CCDC15: variants seen among roughly 807,000 people sequenced by gnomAD.
CCDC15 encodes coiled-coil domain-containing protein 15.
Under a neutral mutation model 114.5 loss-of-function variants are expected in CCDC15, and 105 were observed. That is an observed-to-expected ratio of 0.92 (90% CI 0.78 to 1.08). The LOEUF (loss-of-function observed/expected upper bound fraction) is 1.08. Among genes scored for constraint, CCDC15 ranks in the 50% least tolerant of loss-of-function variants. The pLI is 0.00. For missense variants in CCDC15, 1,105 were observed against 1,093.6 expected (o/e 1.01, Z -0.15); for synonymous variants, 334 against 377.8 (o/e 0.88, Z 1.34).
chr11:124,963,996 T>C (rs1197045380), intron 4 of CCDC15, among the ~76,000 whole-genome samples: 8 of 152,234 alleles, frequency 5.3e-5, no homozygotes, highest in Admixed American at 5.2e-4. Context: ...GTTCCATTTG[T>C]CTATATATCT....
Position 124,987,288 on chromosome 11 carries a change from G to C in CCDC15, c.1062G>C (p.Gln354His). ...CCCAGGGTGATTTGACAGGAATCCA[G>C]AGTGTTAAGCCAGATACCCAGGCTG... ...LETQGDLTGI[Q>H]SVKPDTQAVE... Residue 354 changes from glutamine (Q) to histidine (H), a missense_variant, in exon 8 of 16, where the codon CAG becomes CAC. Physicochemically the swap from Gln to His is conservative, Grantham distance 24 (BLOSUM62 0). Coordinates refer to ENST00000344762, the MANE Select transcript of CCDC15 (RefSeq NM_025004.3). 3.7e-6 allele frequency: 6 copies of C among 1,601,792 alleles called. No individual in the cohort carries two copies. Among genetic ancestry groups the C allele is most frequent in the Non-Finnish European group, 3.4e-6 (4 of 1,175,374 alleles).
intron 4 of CCDC15, among the ~76,000 whole-genome samples, chr11:124,969,056 C>T (rs1322563360): frequency 2.0e-5 from 3 of 152,104 alleles, no homozygotes; most frequent in Non-Finnish European, 2.9e-5. Context: ...TTATAGTTAT[C>T]ATTTTTCTTT....
intron 11 of CCDC15, among the ~76,000 whole-genome samples, chr11:124,999,295 A>T (rs751142427): frequency 1.5e-4 from 23 of 152,088 alleles, no homozygotes; most frequent in Non-Finnish European, 2.6e-4. Flanking sequence ...TCAATCTGTA[A>T]ATCTATATCT....
At chr11:124,996,628 C>T (rs1460259756) in intron 11 of CCDC15, among the ~76,000 whole-genome samples, 1 of 151,972 alleles carries the variant, frequency 6.6e-6, no homozygotes, top group African/African-American at 2.4e-5. Flanking sequence ...GTTGTGCAAC[C>T]ATCACCACCA....
At chr11:125,023,020 G>C (rs1345876488) in intron 13 of CCDC15, among the ~76,000 whole-genome samples, 3 of 151,826 alleles carry the variant, frequency 2.0e-5, no homozygotes, top group Admixed American at 2.0e-4. Context: ...GATAAGTTTT[G>C]ATGAATTTCT....
chr11:125,003,218 G>A (rs1053651957), intron 11 of CCDC15, among the ~76,000 whole-genome samples: 6 of 151,816 alleles, frequency 4.0e-5, no homozygotes, highest in Non-Finnish European at 8.8e-5. Context: ...AAATACAATT[G>A]ATTTTTGTAT....
Position 125,040,598 on chromosome 11 carries a change from C to G in CCDC15, c.2743C>G (p.Arg915Gly), listed in dbSNP as rs373190979. Reference protein sequence around the residue: ...IFYKNHRAYTRALHSFINSCD... With the variant: ...IFYKNHRAYTGALHSFINSCD... Reference sequence around the variant, plus strand: ...CAAACCTTTTTTTGCAGCATATACTCGGGCACTACATTCATTCATCAATTC... The same window carrying G: ...CAAACCTTTTTTTGCAGCATATACTGGGGCACTACATTCATTCATCAATTC... Residue 915 changes from arginine to glycine, a missense_variant, in exon 16 of 16, where the codon CGG becomes GGG. Arg to Gly is a moderately radical substitution (Grantham distance 125). Transcript: ENST00000344762. 2 of 1,607,716 alleles carry G rather than the reference C, an allele frequency of 1.2e-6. No individual in the cohort carries two copies. Among genetic ancestry groups the G allele is most frequent in the African/African-American group, 1.3e-5 (1 of 74,820 alleles).
chr11:124,973,341 A>T (rs1452021605), intron 4 of CCDC15, among the ~76,000 whole-genome samples: 2 of 151,552 alleles, frequency 1.3e-5, no homozygotes, highest in Admixed American at 6.6e-5. Context: ...AAGGAGGCAT[A>T]GTCATGGGGC....
At position 125,038,573 on chromosome 11, in the gene CCDC15, G is replaced by A. The variant is rs889531344; in HGVS notation, c.2554G>A (p.Glu852Lys). The change falls in exon 14 of 16, where the codon GAA (glutamate) becomes AAA (lysine). Residue 852 changes from glutamate (E) to lysine (K), a missense_variant. Physicochemically the swap from Glu to Lys is moderately conservative, Grantham distance 56. Coordinates refer to ENST00000344762, the MANE Select transcript of CCDC15 (RefSeq NM_025004.3). The stretch of plus-strand genomic sequence containing the variant: ...ACTTCAAGAAATAAAAGGAACCAGA[G>A]AAAAACAACAGAGAGAAAAAGAATA... Reference protein sequence around the residue: ...LQLQEIKGTREKQQREKEYLR... With the variant: ...LQLQEIKGTRKKQQREKEYLR... 2.5e-6 allele frequency: 4 copies of A among 1,574,582 alleles called. No individual in the cohort carries two copies. Among genetic ancestry groups the A allele is most frequent in the Non-Finnish European group, 3.4e-6 (4 of 1,163,278 alleles).
chr11:125,039,147 C>G, intron 15 of CCDC15, 78 bp downstream of exon 15: 1 of 1,357,422 alleles, frequency 7.4e-7, no homozygotes, highest in Non-Finnish European at 1.0e-6. Flanking sequence ...AGTAATTTAC[C>G]ATTTATTGAG....
chr11:125,019,922 G>A (rs1349210626), intron 13 of CCDC15, among the ~76,000 whole-genome samples: 2 of 70,526 alleles, frequency 2.8e-5, no homozygotes, highest in East Asian at 8.4e-4. Context: ...TAATCAAATC[G>A]GTATTTGTCA....
At chr11:125,002,071 T>C (rs1225425290) in intron 11 of CCDC15, among the ~76,000 whole-genome samples, 1 of 152,144 alleles carries the variant, frequency 6.6e-6, no homozygotes, top group Non-Finnish European at 1.5e-5. Context: ...CACTTGTTAT[T>C]ATCTGTATTT....
At chr11:125,013,289 G>C (rs1948607751) in intron 13 of CCDC15, among the ~76,000 whole-genome samples, 1 of 152,128 alleles carries the variant, frequency 6.6e-6, no homozygotes, top group African/African-American at 2.4e-5. Context: ...TGAAGCATAA[G>C]GTGTGTCTGA....
At chr11:125,001,977 A>C (rs1028255045) in intron 11 of CCDC15, among the ~76,000 whole-genome samples, 7 of 152,106 alleles carry the variant, frequency 4.6e-5, no homozygotes, top group African/African-American at 1.7e-4. Context: ...GGACCTGCCA[A>C]ACTGATTTTT....
At chr11:125,012,094 G>A (rs956035905) in intron 13 of CCDC15, among the ~76,000 whole-genome samples, 4 of 152,318 alleles carry the variant, frequency 2.6e-5, no homozygotes, top group Non-Finnish European at 2.9e-5. Context: ...CCTGCTCTGA[G>A]GAAGACAAAG....
intron 9 of CCDC15, among the ~76,000 whole-genome samples, chr11:124,992,068 A>T (rs1415404898): frequency 2.6e-5 from 4 of 152,222 alleles, no homozygotes; most frequent in Admixed American, 2.0e-4. Flanking sequence ...CTTCAGGAGC[A>T]TAGAGTGTTA....
At chr11:125,013,847 G>A (rs1344823542) in intron 13 of CCDC15, among the ~76,000 whole-genome samples, 3 of 152,156 alleles carry the variant, frequency 2.0e-5, no homozygotes, top group African/African-American at 4.8e-5. Context: ...TTCAAAATAT[G>A]TTTCAGCATG....
chr11:125,014,811 C>T (rs1948617553), intron 13 of CCDC15, among the ~76,000 whole-genome samples: 1 of 152,074 alleles, frequency 6.6e-6, no homozygotes, highest in African/African-American at 2.4e-5. Flanking sequence ...TACTATATGA[C>T]CCAACCAATT....
chr11:125,000,929 A>ATGGTT (rs1331325472), intron 11 of CCDC15, among the ~76,000 whole-genome samples: 1 of 152,158 alleles, frequency 6.6e-6, no homozygotes, highest in Non-Finnish European at 1.5e-5. Flanking sequence ...CTTATTTTAT[A>ATGGTT]TATATTTCTC....
Sources: gnomAD v4.1 joint callset for allele counts (sites outside exome capture counted in the v4.1 genomes callset) on GRCh38, gnomAD v4.1.1 for gene constraint, MANE v1.5 for transcripts, NCBI Gene and HGNC (gene_info 2026-07-23, HGNC 2026-07-21) for gene names.